Variants in DNAH12 observed in about 807,000 individuals in gnomAD.
DNAH12 encodes the protein dynein axonemal heavy chain 12.
DNAH12 carries 285 observed loss-of-function variants against 371.5 expected under a neutral mutation model. That is an observed-to-expected ratio of 0.77 (90% CI 0.70 to 0.85). The LOEUF (loss-of-function observed/expected upper bound fraction) is 0.85, where lower values mean the gene tolerates loss of function less well. Among genes scored for constraint, DNAH12 ranks in the 40% least tolerant of loss-of-function variants. The pLI is 0.00. For synonymous variants in DNAH12, 1,200 were observed against 1,213.0 expected (o/e 0.99, Z 0.22); for missense variants, 3,611 against 3,689.4 (o/e 0.98, Z 0.55).
rs1553683732 is a variant in DNAH12, at chr3:57,413,752, C to T, written c.6014G>A (p.Gly2005Glu). 5 of 1,550,152 alleles carry T rather than the reference C, an allele frequency of 3.2e-6. No homozygotes were observed. In the African/African-American group the frequency reaches 4.1e-5, roughly 13 times the overall value. ...TATCGAATTAAATAGTTACCAATGT[C>T]CACAGTCAAAAAACTGTCGTAATAA... ...IELLRQFFDC[G>E]HWYDLKDTSK... The change falls in exon 39 of 74, where the codon GGA becomes GAA. Residue 2005 changes from glycine (G) to glutamate (E), a missense_variant. Physicochemically the swap from Gly to Glu is moderately conservative, Grantham distance 98 (BLOSUM62 -2). Around this residue, in one of 3 missense-constraint regions of DNAH12, gnomAD observed 2,266 missense variants for 2,236.9 expected, o/e 1.01. Transcript: ENST00000495027.
At chr3:57,295,150 T>C (rs1192920766) in intron 73 of DNAH12, among the ~76,000 whole-genome samples, 2 of 152,126 alleles carry the variant, frequency 1.3e-5, no homozygotes, top group Non-Finnish European at 2.9e-5. Context: ...AGCCAGAAAA[T>C]GCTAGTCACT....
intron 64 of DNAH12, 142 bp downstream of exon 64, chr3:57,322,865 G>A (rs1245073913): frequency 8.1e-7 from 1 of 1,230,542 alleles, no homozygotes; most frequent in East Asian, 2.6e-5. Flanking sequence ...GGGAGGCGAA[G>A]TTTGCGGTGA....
intron 12 of DNAH12, among the ~76,000 whole-genome samples, chr3:57,484,264 T>A (rs888214457): frequency 6.6e-6 from 1 of 152,060 alleles, no homozygotes; most frequent in Admixed American, 6.6e-5. Flanking sequence ...AGTAAACAGA[T>A]CAAACCCTCA....
chr3:57,316,423 C>T (rs1158124554), intron 65 of DNAH12, among the ~76,000 whole-genome samples: 1 of 152,164 alleles, frequency 6.6e-6, no homozygotes, highest in African/African-American at 2.4e-5. Flanking sequence ...GCATATTAAA[C>T]ATACTTCTTG....
In DNAH12 at chr3:57,405,652, C is replaced by T. The variant is rs2064001088; in HGVS notation, c.6576+1G>A. 2 of 1,549,948 alleles carry T rather than the reference C, an allele frequency of 1.3e-6. No individual in the cohort carries two copies. Among genetic ancestry groups the T allele is most frequent in the Non-Finnish European group, 1.7e-6 (2 of 1,145,950 alleles). ...AATATGTTCTTAATCGCCATACTCA[C>T]TGGTGCATTTTGTTTCCTCAAATGT... On this transcript the variant is annotated splice_donor_variant, in intron 41 of 73. Transcript: ENST00000495027. LOFTEE classifies it high-confidence loss of function.
intron 2 of DNAH12, among the ~76,000 whole-genome samples, chr3:57,527,251 C>T (rs1192765947): frequency 3.3e-5 from 5 of 151,958 alleles, no homozygotes; most frequent in Non-Finnish European, 7.4e-5. Context: ...AATTCCAGTC[C>T]TTTGGGAGGC....
chr3:57,448,110 AC>A (rs528160619), intron 25 of DNAH12, among the ~76,000 whole-genome samples: 110 of 152,342 alleles, frequency 7.2e-4, no homozygotes, highest in South Asian at 1.7e-3. Flanking sequence ...TAATAAATAT[AC>A]TAGTGTGTCT....
intron 45 of DNAH12, among the ~76,000 whole-genome samples, chr3:57,390,424 A>AAAAAAATATATATATATATATATATATAT: frequency 3.0e-5 from 1 of 33,434 alleles, no homozygotes; most frequent in African/African-American, 6.3e-5. Flanking sequence ...AAAAAAAAAA[A>AAAAAAATATATATATATATATATATATAT]ATATATATAT....
intron 65 of DNAH12, among the ~76,000 whole-genome samples, chr3:57,317,432 C>A (rs1363539626): frequency 6.6e-6 from 1 of 152,150 alleles, no homozygotes; most frequent in East Asian, 1.9e-4. Flanking sequence ...ATGAGTTTGA[C>A]TATTTTTGAT....
At chr3:57,497,116 A>G (rs1348571193) in intron 11 of DNAH12, among the ~76,000 whole-genome samples, 2 of 152,242 alleles carry the variant, frequency 1.3e-5, no homozygotes, top group Non-Finnish European at 2.9e-5. Flanking sequence ...ATAAATTTAA[A>G]TACACACTAT....
intron 62 of DNAH12, 70 bp downstream of exon 62, chr3:57,334,395 G>T (rs2062175208): frequency 2.1e-6 from 3 of 1,408,628 alleles, no homozygotes; most frequent in Non-Finnish European, 2.8e-6. Flanking sequence ...CAAATAACAA[G>T]AACTTTAAGC....
intron 29 of DNAH12, among the ~76,000 whole-genome samples, chr3:57,443,203 G>A (rs546909020): frequency 7.2e-5 from 11 of 152,180 alleles, no homozygotes; most frequent in African/African-American, 2.4e-4. Context: ...TCCGCCTCCC[G>A]GGTTCAAGCA....
intron 2 of DNAH12, among the ~76,000 whole-genome samples, chr3:57,537,777 A>C (rs2069111176): frequency 1.3e-5 from 2 of 149,506 alleles, no homozygotes; most frequent in African/African-American, 5.0e-5. Context: ...CTCCGCCTCC[A>C]GGGTTCAAGT....
At chr3:57,446,757 A>C in intron 25 of DNAH12, 68 bp from the exon 26 acceptor site, 3 of 1,354,822 alleles carry the variant, frequency 2.2e-6, no homozygotes, top group Non-Finnish European at 2.9e-6. Context: ...ACACTTGTTT[A>C]CCAAATGGAT....
At chr3:57,514,109 T>A (rs1020156969) in intron 4 of DNAH12, among the ~76,000 whole-genome samples, 6 of 151,984 alleles carry the variant, frequency 3.9e-5, no homozygotes, top group Non-Finnish European at 8.8e-5. Flanking sequence ...AAAAACAAAA[T>A]GCGGCCGGGT....
Position 57,392,016 on chromosome 3 carries a change from G to A in DNAH12, c.7161C>T (p.Pro2387=), listed in dbSNP as rs900476268. 2 of 152,198 alleles carry A rather than the reference G, an allele frequency of 1.3e-5. No individual in the cohort carries two copies. The highest frequency in any genetic ancestry group is 2.9e-5 in the Non-Finnish European group (2 of 68,040). 9.4% of individuals were successfully genotyped at this position (152,198 alleles called of 1,614,324 possible). A position where few individuals can be genotyped will look rare whatever the true frequency, so the allele number is the denominator to read the frequency against. Residue 2387 remains proline (P), a synonymous_variant, in exon 45 of 74, where the codon CCC becomes CCT. Transcript: ENST00000495027. ...QAGNKHDELS[P]LALFAFFVNR... ...TCACAAAGAAAGCAAACAGAGCTAA[G>A]GGACTGAGTTCATCATGTTTATTGC...
In DNAH12 at chr3:57,468,856, T is replaced by C. The variant is rs758748374; in HGVS notation, c.2229A>G (p.Gln743=). The stretch of plus-strand genomic sequence containing the variant: ...GTTTTCTTGCTGCCTTTCTTTTTTC[T>C]TGTAATTCTTTCTTTAGCTTCGTTT... The part of the protein sequence containing the change: ...FFQTKLKKEL[Q]EKRKAARKRS... Residue 743 remains glutamine, a synonymous_variant, in exon 17 of 74, where the codon CAA becomes CAG. Transcript: ENST00000495027. The C allele has an allele frequency of 6.8e-4, 1,029 of 1,521,786 alleles. 2 individuals are homozygous for C. Among genetic ancestry groups the C allele is most frequent in the Non-Finnish European group, 8.7e-4 (997 of 1,140,188 alleles). The allele number at this position is 1,521,786 out of a possible 1,614,324, so 94.3% of individuals were successfully genotyped here. A position where few individuals can be genotyped will look rare whatever the true frequency, so the allele number is the denominator to read the frequency against.
intron 57 of DNAH12, among the ~76,000 whole-genome samples, chr3:57,364,980 G>T (rs2063015833): frequency 6.6e-6 from 1 of 152,196 alleles, no homozygotes; most frequent in African/African-American, 2.4e-5. Context: ...TGGTGAGGCT[G>T]CAGAGAAATA....
At chr3:57,426,025 A>G (rs1470308448) in intron 34 of DNAH12, among the ~76,000 whole-genome samples, 1 of 152,164 alleles carries the variant, frequency 6.6e-6, no homozygotes, top group African/African-American at 2.4e-5. Flanking sequence ...GAGATACACC[A>G]AAGAGGGCTT....
Sources: allele counts gnomAD v4.1 joint callset (sites outside exome capture counted in the v4.1 genomes callset), GRCh38; gene constraint gnomAD v4.1.1; regional missense constraint gnomAD v4.1.1; transcripts MANE v1.5; gene names NCBI Gene and HGNC (gene_info 2026-07-23, HGNC 2026-07-21).